ACACA: variants seen among roughly 807,000 people sequenced by gnomAD.
ACACA encodes acetyl-CoA carboxylase alpha.
Under a neutral mutation model 296.1 loss-of-function variants are expected in ACACA, and 103 were observed. The observed-to-expected ratio is 0.35, with a 90% confidence interval of 0.30 to 0.41. The LOEUF (loss-of-function observed/expected upper bound fraction) is 0.41, where lower values mean the gene tolerates loss of function less well. ACACA is among the 10% of genes least tolerant of loss of function. The pLI, the probability that ACACA is intolerant of heterozygous loss-of-function variation, is 1.00. For synonymous variants in ACACA, 953 were observed against 1,038.6 expected (o/e 0.92, Z 1.58); for missense variants, 1,554 against 2,989.7 (o/e 0.52, Z 11.20).
intron 3 of ACACA, among the ~76,000 whole-genome samples, chr17:37,286,176 C>T: frequency 6.6e-6 from 1 of 152,110 alleles, no homozygotes; most frequent in East Asian, 1.9e-4. Context: ...AGGCATGAGC[C>T]ACCGCGCCTG....
At chr17:37,230,062 A>AAAATG (rs1160309456) in intron 25 of ACACA, among the ~76,000 whole-genome samples, 1 of 117,368 alleles carries the variant, frequency 8.5e-6, no homozygotes, top group East Asian at 6.1e-4. Flanking sequence ...ATTCCGTCTC[A>AAAATG]AAATAAAATA....
At chr17:37,285,054 C>G (rs1008332371) in intron 3 of ACACA, 84 bp from the exon 4 acceptor site, 26 of 1,510,692 alleles carry the variant, frequency 1.7e-5, no homozygotes, top group Non-Finnish European at 2.4e-5. Flanking sequence ...ACAGTACTTT[C>G]ACAACTGCAT....
intron 33 of ACACA, 138 bp from the exon 34 acceptor site, chr17:37,200,621 A>G (rs1258987647): frequency 2.6e-6 from 2 of 776,010 alleles, no homozygotes; most frequent in African/African-American, 1.7e-5. Flanking sequence ...AGTACCTTCA[A>G]ACTTGCAAGT....
chr17:37,277,596 C>T (rs1193203439), intron 6 of ACACA, among the ~76,000 whole-genome samples: 2 of 152,184 alleles, frequency 1.3e-5, no homozygotes, highest in Admixed American at 6.5e-5. Flanking sequence ...TACCACCATC[C>T]TTTAGGCTAA....
chr17:37,350,771 G>A (rs184423546), intron 1 of ACACA, among the ~76,000 whole-genome samples: 5 of 151,944 alleles, frequency 3.3e-5, no homozygotes, highest in African/African-American at 7.2e-5. Flanking sequence ...CCTGGGAGGC[G>A]GAGGTTGTGG....
At chr17:37,111,753 C>A in intron 51 of ACACA, 110 bp from the exon 52 acceptor site, 1 of 825,590 alleles carries the variant, frequency 1.2e-6, no homozygotes, top group Non-Finnish European at 2.0e-6. Flanking sequence ...GCTTCATTAT[C>A]ATTTTGCCCA....
chr17:37,229,595 G>A (rs770545894), intron 25 of ACACA, among the ~76,000 whole-genome samples: 7 of 152,022 alleles, frequency 4.6e-5, no homozygotes, highest in Non-Finnish European at 7.4e-5. Context: ...GAGCCACTGC[G>A]CCTGGCAGTT....
Position 37,111,686 on chromosome 17 carries a change from C to T in ACACA, c.6453-43G>A, listed in dbSNP as rs561832381. ...AAAAAACAAAACAGAAATAGAGGCA[C>T]TTTAAAGGAAGGAGACAACAGAATG... On this transcript the variant is annotated intron_variant, in intron 51 of 55. Coordinates refer to ENST00000616317, the MANE Select transcript of ACACA (RefSeq NM_198834.3). 1.1e-4 allele frequency: 160 copies of T among 1,450,920 alleles called. 3 individuals are homozygous for T. The South Asian group carries it at 1.8e-3, about 16-fold the overall frequency. 89.9% of individuals were successfully genotyped at this position (1,450,920 alleles called of 1,614,324 possible).
At chr17:37,141,423 G>A (rs1372602131) in intron 45 of ACACA, 1 of 291,904 alleles carries the variant, frequency 3.4e-6, no homozygotes, top group Non-Finnish European at 6.7e-6. Flanking sequence ...CCCCACACCT[G>A]GCTAATTTTT....
chr17:37,406,282 C>G lies in ACACA; in HGVS notation c.18G>C (p.Leu6=). 1.9e-6 allele frequency: 3 copies of G among 1,614,198 alleles called. No individual in the cohort carries two copies. The highest frequency in any genetic ancestry group is 2.5e-6 in the Non-Finnish European group (3 of 1,180,024). Residue 6 remains leucine (L), a synonymous_variant, in exon 1 of 56, where the codon CTG becomes CTC. Coordinates refer to ENST00000616317, the MANE Select transcript of ACACA (RefSeq NM_198834.3). MWWST[L]MSILRARSFW... is the part of the protein sequence containing the mutation. ...CATACCTAGCCCTCAAGATTGACATCAGAGTAGACCACCACATCCTCTCAT... is the reference window on the plus strand; with the variant it reads ...CATACCTAGCCCTCAAGATTGACATGAGAGTAGACCACCACATCCTCTCAT...
intron 29 of ACACA, among the ~76,000 whole-genome samples, chr17:37,213,814 G>A (rs9900876): frequency 6.6e-6 from 1 of 151,954 alleles, no homozygotes; most frequent in Non-Finnish European, 1.5e-5. Flanking sequence ...CAGAGTTGCC[G>A]CTGCTAGCTG....
chr17:37,163,265 C>T (rs1311372236), intron 41 of ACACA: 2 of 150,450 alleles, frequency 1.3e-5, no homozygotes, highest in Non-Finnish European at 2.9e-5. Flanking sequence ...TCTCACCTCT[C>T]TCTTGCTCCC....
intron 3 of ACACA, among the ~76,000 whole-genome samples, chr17:37,295,046 G>T (rs1598422677): frequency 6.6e-6 from 1 of 152,186 alleles, no homozygotes; most frequent in Admixed American, 6.5e-5. Flanking sequence ...AGGCTGGGTG[G>T]GTTTCTTTTG....
intron 1 of ACACA, among the ~76,000 whole-genome samples, chr17:37,405,992 T>C (rs150549452): frequency 2.5e-4 from 38 of 150,922 alleles, no homozygotes; most frequent in Non-Finnish European, 4.3e-4. Flanking sequence ...GACTTCTAAA[T>C]AGATGTAACA....
chr17:37,122,840 C>A (rs1283237993), intron 48 of ACACA: 1 of 637,638 alleles, frequency 1.6e-6, no homozygotes, highest in South Asian at 1.8e-5. Context: ...AGAATCACTT[C>A]TATTCGGAAA....
intron 31 of ACACA, among the ~76,000 whole-genome samples, chr17:37,207,093 A>AT (rs2078536871): frequency 6.6e-6 from 1 of 152,028 alleles, no homozygotes; most frequent in Non-Finnish European, 1.5e-5. Context: ...AACCATATAT[A>AT]TTTTTTCTTT....
At chr17:37,204,470 C>G (rs2078408639) in intron 33 of ACACA, among the ~76,000 whole-genome samples, 1 of 152,102 alleles carries the variant, frequency 6.6e-6, no homozygotes, top group Non-Finnish European at 1.5e-5. Context: ...TGGAACAATT[C>G]CTGACTTATC....
At chr17:37,191,929 T>C (rs2077773185) in intron 37 of ACACA, among the ~76,000 whole-genome samples, 161 bp downstream of exon 37, 4 of 152,222 alleles carry the variant, frequency 2.6e-5, no homozygotes, top group Admixed American at 2.6e-4. Flanking sequence ...TATTTACTTT[T>C]GTAAACATTG....
chr17:37,320,819 C>T (rs1483745791), intron 3 of ACACA, among the ~76,000 whole-genome samples: 2 of 151,638 alleles, frequency 1.3e-5, no homozygotes, highest in Non-Finnish European at 2.9e-5. Context: ...TGATGGCGGG[C>T]ACCTGTAATC....
Sources: gnomAD v4.1 joint callset for allele counts (sites outside exome capture counted in the v4.1 genomes callset) on GRCh38, gnomAD v4.1.1 for gene constraint, MANE v1.5 for transcripts, NCBI Gene and HGNC (gene_info 2026-07-23, HGNC 2026-07-21) for gene names.